KIF27: variants seen among roughly 807,000 people sequenced by gnomAD.
KIF27 encodes kinesin family member 27, also known as kinesin-like protein KIF27.
A neutral mutation model predicts 141.8 loss-of-function variants in KIF27; 84 were observed. The ratio of observed to expected loss-of-function variants is 0.59; its 90% CI spans 0.50 to 0.71. The LOEUF (loss-of-function observed/expected upper bound fraction) is 0.71. Ranked by LOEUF, KIF27 falls within the 30% of genes least tolerant of loss-of-function variation. The pLI, the probability that KIF27 is intolerant of heterozygous loss-of-function variation, is 0.00. For synonymous variants in KIF27, 471 were observed against 569.5 expected, an observed-to-expected ratio of 0.83 and a Z score of 2.46; for missense variants, 1,306 against 1,628.4, an observed-to-expected ratio of 0.80 and a Z score of 3.41.
intron 6 of KIF27, 167 bp from the exon 7 acceptor site, chr9:83,889,420 A>G: frequency 1.8e-6 from 1 of 542,286 alleles, no homozygotes; most frequent in Non-Finnish European, 3.2e-6. Flanking sequence ...TAATTTAACA[A>G]TACTGTTGTG....
chr9:83,858,466 A>G (rs1823325556), intron 14 of KIF27: 1 of 152,170 alleles, frequency 6.6e-6, no homozygotes, highest in African/African-American at 2.4e-5. Context: ...TTCAGATTCA[A>G]AAATTCATCT....
In KIF27 at chr9:83,884,024, C is replaced by A; in HGVS notation, c.2240-6G>T. ...TACAGACTTGGCATCATTACCTTAACCGTAATAATAATTATTATTAGTATA... is the reference window on the plus strand; with the variant it reads ...TACAGACTTGGCATCATTACCTTAAACGTAATAATAATTATTATTAGTATA... On this transcript the variant is annotated splice_polypyrimidine_tract_variant and splice_region_variant and intron_variant, in intron 9 of 17. Transcript: ENST00000297814. 2 of 1,536,310 alleles carry A rather than the reference C, an allele frequency of 1.3e-6. No homozygotes were observed.
In KIF27 at chr9:83,891,364, T is replaced by C. The variant is rs374182999; in HGVS notation, c.1740A>G (p.Pro580=). 13 of 1,613,668 alleles carry C rather than the reference T, an allele frequency of 8.1e-6. No homozygotes were observed. The Admixed American group carries it at 1.2e-4, about 14-fold the overall frequency. ...AATGAGTATCAAATGGTACAGTATA[T>C]GGTCTCCTTTCAGGGATCCTGGCAT... ...GPDARIPERR[P]YTVPFDTHLG... Residue 580 remains proline, a synonymous_variant, in exon 6 of 18, where the codon CCA becomes CCG. Transcript: ENST00000297814.
intron 11 of KIF27, among the ~76,000 whole-genome samples, chr9:83,874,399 T>C (rs1333463741): frequency 6.6e-6 from 1 of 152,118 alleles, no homozygotes; most frequent in Non-Finnish European, 1.5e-5. Flanking sequence ...TATGCAGAAG[T>C]TGTACTATTC....
At chr9:83,888,172 A>G (rs1952295943) in intron 8 of KIF27, among the ~76,000 whole-genome samples, 1 of 142,184 alleles carries the variant, frequency 7.0e-6, no homozygotes, top group African/African-American at 2.6e-5. Context: ...ACCTAGTACA[A>G]TTATTTATAC....
At chr9:83,884,115 A>T in intron 9 of KIF27, 97 bp from the exon 10 acceptor site, 3 of 856,106 alleles carry the variant, frequency 3.5e-6, no homozygotes, top group Non-Finnish European at 5.2e-6. Context: ...CCAGCCAGGC[A>T]GTGATACTAT....
At chr9:83,912,938 C>T (rs1425564701) in intron 2 of KIF27, among the ~76,000 whole-genome samples, 1 of 151,852 alleles carries the variant, frequency 6.6e-6, no homozygotes, top group Non-Finnish European at 1.5e-5. Context: ...GGGCGGATCA[C>T]TTGATCTCAG....
In KIF27 at chr9:83,836,536, C is replaced by G. The variant is rs1160711636; in HGVS notation, c.*465G>C. The stretch of plus-strand genomic sequence containing the variant: ...CATAAAGCTGAGAGGTTGTCTTAGC[C>G]CACATATGCAGCAGGTGACTCCCTC... On this transcript the variant is annotated 3_prime_UTR_variant, in exon 18 of 18. Coordinates refer to ENST00000297814, the MANE Select transcript of KIF27 (RefSeq NM_017576.4). Among the ~76,000 whole-genome samples the G allele has an allele frequency of 9.2e-5, 14 of 151,690 alleles. No homozygotes were observed. The highest frequency in any genetic ancestry group is 1.3e-4 in the Admixed American group (2 of 15,200).
rs560511993 is a variant in KIF27 at position 83,889,230 on chromosome 9, G to C, written c.1833C>G (p.Tyr611Ter). ...SRKVHTSPPM[Y>*]SLDRIFAGFR... is the part of the protein sequence containing the mutation. The stretch of plus-strand genomic sequence containing the variant: ...ATCCAGCAAATATTCGATCCAGAGA[G>C]TACATAGGCGGACTTGTGTGGACCT... Residue 611 changes from tyrosine (Y) to a stop codon, truncating the protein, a stop_gained, in exon 7 of 18, where the codon TAC (tyrosine) becomes TAG (stop). Transcript: ENST00000297814. LOFTEE classifies it high-confidence loss of function. The C allele has an allele frequency of 1.2e-6, 2 of 1,611,940 alleles. No homozygotes were observed. Among genetic ancestry groups the C allele is most frequent in the Non-Finnish European group, 1.7e-6 (2 of 1,178,812 alleles).
intron 11 of KIF27, among the ~76,000 whole-genome samples, chr9:83,878,647 G>C (rs1951425244): frequency 6.6e-6 from 1 of 152,132 alleles, no homozygotes; most frequent in African/African-American, 2.4e-5. Flanking sequence ...AAATAAGGCT[G>C]ACACAGAAGG....
chr9:83,900,210 T>G (rs1394430728), intron 4 of KIF27, among the ~76,000 whole-genome samples: 1 of 151,306 alleles, frequency 6.6e-6, no homozygotes, highest in African/African-American at 2.4e-5. Context: ...ATGAAGCAGA[T>G]TTGCTGATTT....
chr9:83,912,168 A>T (rs7865148), intron 2 of KIF27, among the ~76,000 whole-genome samples: 2,208 of 152,322 alleles, frequency 0.014, 56 homozygotes, highest in African/African-American at 0.05. Context: ...CTAATTTAGA[A>T]AACTGCCCAT....
At chr9:83,838,830 C>T (rs929909024) in intron 17 of KIF27, 1 of 152,158 alleles carries the variant, frequency 6.6e-6, no homozygotes, top group Non-Finnish European at 1.5e-5. Context: ...TAGTTTGTAA[C>T]CCCTGGTTTA....
intron 13 of KIF27, among the ~76,000 whole-genome samples, chr9:83,863,099 T>C (rs1373916298): frequency 1.3e-5 from 2 of 152,200 alleles, no homozygotes; most frequent in Non-Finnish European, 2.9e-5. Context: ...GTTTTCTAGA[T>C]ATACAATCAT....
chr9:83,877,859 T>A (rs1183215156), intron 11 of KIF27, among the ~76,000 whole-genome samples: 1 of 151,970 alleles, frequency 6.6e-6, no homozygotes, highest in Non-Finnish European at 1.5e-5. Context: ...AATAGACATT[T>A]CTCCAAAGAA....
chr9:83,903,669 G>T lies in KIF27; in HGVS notation c.849C>A (p.Asp283Glu). Residue 283 changes from aspartate (D) to glutamate (E), a missense_variant, in exon 4 of 18, where the codon GAC becomes GAA. Asp to Glu is a conservative substitution (Grantham distance 45). Transcript: ENST00000297814. ...GAATATGTGAACTCTTCCTGCGTGG[G>T]TCCCCAAGAGCGCTTATTACATTTC... ...ALGNVISALG[D>E]PRRKSSHIPY... 6.2e-7 allele frequency: 1 copy of T among 1,614,032 alleles called. No homozygotes were observed. Among genetic ancestry groups the T allele is most frequent in the Non-Finnish European group, 8.5e-7 (1 of 1,179,988 alleles).
At chr9:83,890,136 C>G (rs1430444459) in intron 6 of KIF27, among the ~76,000 whole-genome samples, 1 of 152,156 alleles carries the variant, frequency 6.6e-6, no homozygotes. Context: ...GAGTATCACA[C>G]AGTGTTTAGG....
At chr9:83,839,680 C>T (rs1180191411) in intron 17 of KIF27, among the ~76,000 whole-genome samples, 1 of 152,206 alleles carries the variant, frequency 6.6e-6, no homozygotes, top group East Asian at 1.9e-4. Flanking sequence ...CCACCGGGCA[C>T]GGTGGCTCAC....
chr9:83,865,108 T>C (rs1446709128), intron 13 of KIF27, among the ~76,000 whole-genome samples: 5 of 152,142 alleles, frequency 3.3e-5, no homozygotes, highest in Admixed American at 3.3e-4. Context: ...ATTACTGGTG[T>C]TGAGAAAATT....
Sources: gnomAD v4.1 joint callset for allele counts (sites outside exome capture counted in the v4.1 genomes callset) on GRCh38, gnomAD v4.1.1 for gene constraint, MANE v1.5 for transcripts, NCBI Gene and HGNC (gene_info 2026-07-23, HGNC 2026-07-21) for gene names.